BABAM2: variants seen among roughly 807,000 people sequenced by gnomAD.
BABAM2 encodes BRISC and BRCA1-A complex member 2.
In BABAM2, 31 loss-of-function variants were observed where a neutral mutation model predicts 54.7. The ratio of observed to expected loss-of-function variants is 0.57; its 90% CI spans 0.43 to 0.77. BABAM2 has a LOEUF of 0.77. BABAM2 is among the 30% of genes least tolerant of loss of function. BABAM2 has a pLI of 0.00. For missense variants in BABAM2, 364 were observed against 455.8 expected (o/e 0.80, Z 1.83); for synonymous variants, 167 against 162.9 (o/e 1.03, Z -0.19).
intron 11 of BABAM2, among the ~76,000 whole-genome samples, chr2:28,305,839 C>T (rs1180913730): frequency 6.6e-6 from 1 of 151,988 alleles, no homozygotes; most frequent in Non-Finnish European, 1.5e-5. Flanking sequence ...AAGCTTAGGT[C>T]ACAATTTTAA....
In BABAM2 at chr2:28,052,240, A is replaced by G. The variant is rs553486262; in HGVS notation, c.570+6441A>G. 5.5e-4 allele frequency among the ~76,000 whole-genome samples: 83 copies of G among 152,132 alleles called. 2 individuals carry two copies. The South Asian group carries it at 0.017, about 31-fold the overall frequency. On this transcript the variant is annotated intron_variant, in intron 6 of 11. Coordinates refer to ENST00000379624, the MANE Select transcript of BABAM2 (RefSeq NM_199191.3). Reference sequence around the variant, plus strand: ...AAACTATTAAGAAGAAACAACTGAAATGATAGCATACTAGCCAAAATAATC... The same window carrying G: ...AAACTATTAAGAAGAAACAACTGAAGTGATAGCATACTAGCCAAAATAATC...
chr2:28,285,751 A>G (rs1176890075), intron 10 of BABAM2, among the ~76,000 whole-genome samples: 2 of 150,364 alleles, frequency 1.3e-5, no homozygotes, highest in African/African-American at 2.4e-5. Context: ...TTTTTTTTTA[A>G]TGGAAACGGG....
At chr2:28,012,937 C>A (rs1022674390) in intron 4 of BABAM2, among the ~76,000 whole-genome samples, 1 of 152,116 alleles carries the variant, frequency 6.6e-6, no homozygotes, top group African/African-American at 2.4e-5. Flanking sequence ...TCCCATTTAT[C>A]CATCCCCGAT....
At chr2:28,261,865 C>A (rs182060551) in intron 10 of BABAM2, among the ~76,000 whole-genome samples, 2 of 147,880 alleles carry the variant, frequency 1.4e-5, no homozygotes, top group African/African-American at 5.0e-5. Flanking sequence ...TTTATCCCTT[C>A]GGTCATCATG....
intron 7 of BABAM2, among the ~76,000 whole-genome samples, chr2:28,162,872 C>T (rs1018320516): frequency 1.1e-4 from 16 of 152,088 alleles, no homozygotes; most frequent in African/African-American, 3.6e-4. Flanking sequence ...AAAATATCAT[C>T]GAGATTTGTG....
At chr2:27,919,930 A>G (rs1365540198) in intron 2 of BABAM2, among the ~76,000 whole-genome samples, 2 of 152,272 alleles carry the variant, frequency 1.3e-5, no homozygotes, top group East Asian at 1.9e-4. Flanking sequence ...TGGCAAACAC[A>G]TTTTCTTGAA....
chr2:28,072,710 A>G (rs1336027100), intron 6 of BABAM2, among the ~76,000 whole-genome samples: 1 of 152,194 alleles, frequency 6.6e-6, no homozygotes, highest in African/African-American at 2.4e-5. Flanking sequence ...AATGGGAAAT[A>G]TTTAGCTATT....
In BABAM2 at chr2:28,335,154, C is replaced by CTTTTTTTTTTTT. The variant is rs56135926; in HGVS notation, c.1089-3280_1089-3269dup. 2.8e-3 allele frequency among the ~76,000 whole-genome samples: 197 copies of CTTTTTTTTTTTT among 71,506 alleles called. 10 individuals carry two copies. The highest frequency in any genetic ancestry group is 0.011 in the Middle Eastern group (1 of 94). 46.9% of individuals were successfully genotyped at this position (71,506 alleles called of 152,430 possible). A position where few individuals can be genotyped will look rare whatever the true frequency, so the allele number is the denominator to read the frequency against. The stretch of plus-strand genomic sequence containing the variant: ...CTGGAGCTGCTGTCTCTCCCACCTT[C>CTTTTTTTTTTTT]TTTTTTTTTTTTTTTTTTTTTTTTT... On this transcript the variant is annotated intron_variant, in intron 11 of 11. Coordinates refer to ENST00000379624, the MANE Select transcript of BABAM2 (RefSeq NM_199191.3).
At chr2:27,957,306 C>T (rs1177454538) in intron 3 of BABAM2, among the ~76,000 whole-genome samples, 1 of 152,126 alleles carries the variant, frequency 6.6e-6, no homozygotes, top group African/African-American at 2.4e-5. Flanking sequence ...TATTGAGGAC[C>T]TACTCAGTCC....
chr2:28,108,097 A>G (rs1212552438), intron 6 of BABAM2, among the ~76,000 whole-genome samples: 1 of 150,982 alleles, frequency 6.6e-6, no homozygotes, highest in Non-Finnish European at 1.5e-5. Context: ...GTTTGTTTTT[A>G]TGTTTGTTTA....
intron 11 of BABAM2, among the ~76,000 whole-genome samples, chr2:28,336,566 G>A (rs1333413321): frequency 6.6e-6 from 1 of 152,194 alleles, no homozygotes; most frequent in East Asian, 1.9e-4. Flanking sequence ...GGCAGGGAGA[G>A]GTAGAGAGAG....
intron 2 of BABAM2, among the ~76,000 whole-genome samples, chr2:27,918,450 T>TTG (rs536954467): frequency 2.1e-3 from 312 of 150,840 alleles, no homozygotes; most frequent in East Asian, 4.3e-3. Flanking sequence ...TGCCATTCCA[T>TTG]TGTGTGTGTG....
chr2:27,972,301 T>C (rs1244780119), intron 3 of BABAM2, among the ~76,000 whole-genome samples: 3 of 152,208 alleles, frequency 2.0e-5, no homozygotes, highest in Non-Finnish European at 4.4e-5. Flanking sequence ...AGGGTAGAAC[T>C]AGTGTTAGTG....
At chr2:27,918,141 G>A (rs991278518) in intron 2 of BABAM2, among the ~76,000 whole-genome samples, 1 of 152,064 alleles carries the variant, frequency 6.6e-6, no homozygotes, top group African/African-American at 2.4e-5. Flanking sequence ...TCATTTTTAA[G>A]CATACAGTTC....
chr2:27,904,258 C>G (rs971525788), intron 2 of BABAM2, among the ~76,000 whole-genome samples: 11 of 152,082 alleles, frequency 7.2e-5, no homozygotes, highest in African/African-American at 2.7e-4. Context: ...TCAGGGTAGG[C>G]CAAGGGTAAC....
chr2:27,905,331 G>A (rs1666112893), intron 2 of BABAM2, among the ~76,000 whole-genome samples: 1 of 152,176 alleles, frequency 6.6e-6, no homozygotes, highest in African/African-American at 2.4e-5. Flanking sequence ...GTGATGGTAA[G>A]CATGTGGGTT....
intron 10 of BABAM2, among the ~76,000 whole-genome samples, chr2:28,254,343 G>A (rs1328733986): frequency 6.6e-6 from 1 of 151,978 alleles, no homozygotes; most frequent in African/African-American, 2.4e-5. Context: ...GACTATGTTG[G>A]CCAGGCTGGT....
intron 7 of BABAM2, among the ~76,000 whole-genome samples, chr2:28,209,643 ACACC>A (rs1679243615): frequency 6.6e-6 from 1 of 152,170 alleles, no homozygotes; most frequent in Non-Finnish European, 1.5e-5. Flanking sequence ...CATTCACTGG[ACACC>A]CATGTGTCAG....
intron 3 of BABAM2, among the ~76,000 whole-genome samples, chr2:27,953,186 T>C (rs1669858641): frequency 6.6e-6 from 1 of 151,962 alleles, no homozygotes; most frequent in Admixed American, 6.5e-5. Context: ...TTTTTTATTT[T>C]TTAATTTTCT....
Sources: gnomAD v4.1 joint callset for allele counts (sites outside exome capture counted in the v4.1 genomes callset) on GRCh38, gnomAD v4.1.1 for gene constraint, MANE v1.5 for transcripts, NCBI Gene and HGNC (gene_info 2026-07-23, HGNC 2026-07-21) for gene names.